SLC22A23: variants seen among roughly 807,000 people sequenced by gnomAD.
The protein encoded by SLC22A23 is ion transporter protein.
In SLC22A23, 26 loss-of-function variants were observed where a neutral mutation model predicts 61.0. The ratio of observed to expected loss-of-function variants is 0.43; its 90% CI spans 0.31 to 0.59. The LOEUF (loss-of-function observed/expected upper bound fraction) is 0.59. SLC22A23 is among the 20% of genes least tolerant of loss of function. SLC22A23 has a pLI of 0.11. For synonymous variants in SLC22A23, 430 were observed against 413.9 expected (o/e 1.04, Z -0.47); for missense variants, 796 against 934.7 (o/e 0.85, Z 1.94).
intron 4 of SLC22A23, among the ~76,000 whole-genome samples, chr6:3,301,281 A>G (rs1405155868): frequency 1.3e-5 from 2 of 152,116 alleles, no homozygotes; most frequent in African/African-American, 4.8e-5. Flanking sequence ...GGTCATTATT[A>G]TTAATTTTCT....
rs140054899 is a variant in SLC22A23, at chr6:3,289,833, T to A, written c.1244A>T (p.Lys415Met). ...CCCCACCACCTTCACGATGCAGACC[T>A]TCTTGGGCCTCCGGGAAAGCTCTTT... ...LEKELSRRPK[K>M]VCIVKVVGTR... The change falls in exon 6 of 10, where the codon AAG becomes ATG. Residue 415 changes from lysine to methionine, a missense_variant. By Grantham distance (95) the Lys-to-Met change is moderately conservative (BLOSUM62 -1). Coordinates refer to ENST00000406686, the MANE Select transcript of SLC22A23 (RefSeq NM_015482.2). 1.8e-5 allele frequency: 29 copies of A among 1,613,884 alleles called. No homozygotes were observed. The highest frequency in any genetic ancestry group is 6.6e-5 in the South Asian group (6 of 91,088).
At chr6:3,363,835 T>G (rs758378790) in intron 3 of SLC22A23, among the ~76,000 whole-genome samples, 16 of 152,238 alleles carry the variant, frequency 1.1e-4, no homozygotes, top group Non-Finnish European at 2.1e-4. Flanking sequence ...CCCATCCTGG[T>G]CCTCTCTTGG....
At position 3,286,789 on chromosome 6, in the gene SLC22A23, C is replaced by G. The variant is rs945855924; in HGVS notation, c.1546+70G>C. 1 of 1,310,784 alleles carries G rather than the reference C, an allele frequency of 7.6e-7. No homozygotes were observed. The highest frequency in any genetic ancestry group is 1.1e-6 in the Non-Finnish European group (1 of 933,504). The allele number at this position is 1,310,784 out of a possible 1,614,324, so 81.2% of individuals were successfully genotyped here. On this transcript the variant is annotated intron_variant, in intron 7 of 9. Transcript: ENST00000406686. The surrounding 1 kb of genome is among the most constrained non-coding windows in gnomAD (Gnocchi z 4.2). Reference sequence around the variant, plus strand: ...AGTGGCCAGCGGAGTCTTATGCAGCCCTTTCAAATGCCCTTGGGGATCTGC... The same window carrying G: ...AGTGGCCAGCGGAGTCTTATGCAGCGCTTTCAAATGCCCTTGGGGATCTGC...
At chr6:3,374,096 T>C (rs1766403804) in intron 3 of SLC22A23, among the ~76,000 whole-genome samples, 1 of 152,240 alleles carries the variant, frequency 6.6e-6, no homozygotes, top group African/African-American at 2.4e-5. Flanking sequence ...TATATCATAC[T>C]ACCTCTCTCT....
chr6:3,444,660 C>G (rs376881089), intron 1 of SLC22A23, among the ~76,000 whole-genome samples: 2 of 152,208 alleles, frequency 1.3e-5, no homozygotes, highest in African/African-American at 4.8e-5. Flanking sequence ...CCAGGAAGGT[C>G]CCCTGGCTTT....
intron 1 of SLC22A23, chr6:3,445,107 A>C: frequency 5.2e-6 from 2 of 387,226 alleles, no homozygotes; most frequent in Non-Finnish European, 7.1e-6. Flanking sequence ...GCATTCTACC[A>C]TTGAGGAAAC....
At chr6:3,344,604 G>A (rs1764319591) in intron 3 of SLC22A23, among the ~76,000 whole-genome samples, 1 of 152,202 alleles carries the variant, frequency 6.6e-6, no homozygotes, top group African/African-American at 2.4e-5. Context: ...GGATTTCATT[G>A]AAGGTTAAAA....
intron 4 of SLC22A23, among the ~76,000 whole-genome samples, chr6:3,299,998 C>CT (rs869114176): frequency 0.011 from 895 of 78,768 alleles, 170 homozygotes; most frequent in East Asian, 0.032. Flanking sequence ...TCAGGATAGA[C>CT]TTTTTTTTTT....
intron 4 of SLC22A23, among the ~76,000 whole-genome samples, chr6:3,314,482 C>T (rs931832223): frequency 1.2e-4 from 19 of 152,152 alleles, no homozygotes; most frequent in Non-Finnish European, 1.8e-4. Flanking sequence ...GAGGCCGTCC[C>T]GGTATCTACC....
chr6:3,279,246 C>T (rs901027844), intron 9 of SLC22A23, among the ~76,000 whole-genome samples: 1 of 151,724 alleles, frequency 6.6e-6, no homozygotes, highest in African/African-American at 2.4e-5. Context: ...CATGGTGGCT[C>T]ATGTGCCTGT....
chr6:3,293,305 A>G (rs1760778449), intron 5 of SLC22A23, among the ~76,000 whole-genome samples: 1 of 152,210 alleles, frequency 6.6e-6, no homozygotes, highest in Non-Finnish European at 1.5e-5. Context: ...CTGCCACATG[A>G]GTCATTAAAA....
intron 3 of SLC22A23, among the ~76,000 whole-genome samples, chr6:3,373,200 C>A (rs1160723688): frequency 1.3e-5 from 2 of 152,242 alleles, no homozygotes; most frequent in African/African-American, 2.4e-5. Flanking sequence ...ACCCCCCGGG[C>A]ACTAAGTCTC....
chr6:3,365,244 C>A (rs1336459166), intron 3 of SLC22A23, among the ~76,000 whole-genome samples: 1 of 152,188 alleles, frequency 6.6e-6, no homozygotes, highest in African/African-American at 2.4e-5. Flanking sequence ...ATCACTTGAA[C>A]CCGGGAGGTG....
rs34366827 is a variant in SLC22A23 at position 3,273,417 on chromosome 6, AG to A, written c.1704-6del. On this transcript the variant is annotated splice_polypyrimidine_tract_variant and splice_region_variant and intron_variant, in intron 9 of 9. Coordinates refer to ENST00000406686, the MANE Select transcript of SLC22A23 (RefSeq NM_015482.2). ...ACCAGCCCCAGCCCGCCACACCTGCAGGGGGAGGGAAGCACAGGGATTGCTG... is the reference window on the plus strand; with the variant it reads ...ACCAGCCCCAGCCCGCCACACCTGCAGGGGAGGGAAGCACAGGGATTGCTG... 3.7e-6 allele frequency: 6 copies of A among 1,611,702 alleles called. No homozygotes were observed. The highest frequency in any genetic ancestry group is 5.1e-6 in the Non-Finnish European group (6 of 1,179,722).
In SLC22A23 at chr6:3,270,413, G is replaced by A. The variant is rs1758405007; in HGVS notation, c.*2642C>T. 1 of 152,414 alleles carries A rather than the reference G, an allele frequency of 6.6e-6. No homozygotes were observed. Among genetic ancestry groups the A allele is most frequent in the African/African-American group, 2.4e-5 (1 of 41,462 alleles). 9.4% of individuals were successfully genotyped at this position (152,414 alleles called of 1,614,324 possible). A position where few individuals can be genotyped will look rare whatever the true frequency, so the allele number is the denominator to read the frequency against. ...CGGATTTCCCGGGGCTGTGCCCACAGGGAAGTGTTGCTGCTCTGGCAACAT... is the reference window on the plus strand; with the variant it reads ...CGGATTTCCCGGGGCTGTGCCCACAAGGAAGTGTTGCTGCTCTGGCAACAT... On this transcript the variant is annotated 3_prime_UTR_variant, in exon 10 of 10. Coordinates refer to ENST00000406686, the MANE Select transcript of SLC22A23 (RefSeq NM_015482.2).
rs1434670249 is a variant in SLC22A23 at position 3,333,840 on chromosome 6, A to G, written c.914-9838T>C. On this transcript the variant is annotated intron_variant, in intron 3 of 9. Coordinates refer to ENST00000406686, the MANE Select transcript of SLC22A23 (RefSeq NM_015482.2). This position sits in a 1 kb window ranked among gnomAD's most constrained non-coding sequence, Gnocchi z 4.1. The stretch of plus-strand genomic sequence containing the variant: ...ATCAGAAACTGAGGCTGGGAACAGC[A>G]ATCTGTGTCAACAAGCTGTGCAGTA... 1.3e-5 allele frequency among the ~76,000 whole-genome samples: 2 copies of G among 152,184 alleles called. No individual in the cohort carries two copies. Among genetic ancestry groups the G allele is most frequent in the African/African-American group, 2.4e-5 (1 of 41,448 alleles).
intron 4 of SLC22A23, among the ~76,000 whole-genome samples, chr6:3,300,923 G>A (rs891978751): frequency 5.3e-5 from 8 of 152,232 alleles, no homozygotes; most frequent in South Asian, 2.1e-4. Context: ...CAGGAGGGCC[G>A]TGTGGAATGG....
In SLC22A23 at chr6:3,317,925, T is replaced by C. The variant is rs556530840; in HGVS notation, c.1082+5909A>G. Among the ~76,000 whole-genome samples, 1 of 152,234 alleles carries C rather than the reference T, an allele frequency of 6.6e-6. No individual in the cohort carries two copies. Among genetic ancestry groups the C allele is most frequent in the Admixed American group, 6.5e-5 (1 of 15,290 alleles). Reference sequence around the variant, plus strand: ...CCATGGCCCAGAAGGCTCAACATATTATAAGCATCCCCAGGCAGCTCGTGC... The same window carrying C: ...CCATGGCCCAGAAGGCTCAACATATCATAAGCATCCCCAGGCAGCTCGTGC... On this transcript the variant is annotated intron_variant, in intron 4 of 9. Transcript: ENST00000406686. This position sits in a 1 kb window ranked among gnomAD's most constrained non-coding sequence, Gnocchi z 4.4.
intron 3 of SLC22A23, among the ~76,000 whole-genome samples, chr6:3,349,401 C>T (rs1433668476): frequency 6.6e-6 from 1 of 152,174 alleles, no homozygotes; most frequent in Non-Finnish European, 1.5e-5. Flanking sequence ...TGACTCCTAC[C>T]ACCAAATCCC....
Sources: gnomAD v4.1 joint callset for allele counts (sites outside exome capture counted in the v4.1 genomes callset) on GRCh38, gnomAD v4.1.1 for gene constraint, Gnocchi (gnomAD v3.1) non-coding constraint, MANE v1.5 for transcripts, NCBI Gene and HGNC (gene_info 2026-07-23, HGNC 2026-07-21) for gene names.